Variants in SLIT2 observed in about 807,000 individuals in gnomAD.
SLIT2 encodes the protein slit homolog 2 protein.
In SLIT2, 41 loss-of-function variants were observed where a neutral mutation model predicts 185.7. That is an observed-to-expected ratio of 0.22 (90% confidence interval 0.17 to 0.29). SLIT2 has a LOEUF of 0.29. Among genes scored for constraint, SLIT2 ranks in the 10% least tolerant of loss-of-function variants. The pLI is 1.00. For missense variants in SLIT2, 1,571 were observed against 1,909.0 expected (o/e 0.82, Z 3.30); for synonymous variants, 693 against 680.2 (o/e 1.02, Z -0.29).
At chr4:20,545,490 A>C (rs1034097269) in intron 21 of SLIT2, among the ~76,000 whole-genome samples, 9 of 151,580 alleles carry the variant, frequency 5.9e-5, no homozygotes, top group African/African-American at 1.9e-4. Flanking sequence ...TATACACTTC[A>C]TCAATTTATA....
At chr4:20,282,715 T>G (rs1049599989) in intron 4 of SLIT2, among the ~76,000 whole-genome samples, 4 of 152,216 alleles carry the variant, frequency 2.6e-5, no homozygotes, top group Non-Finnish European at 5.9e-5. Context: ...TTTTAAAATT[T>G]GTTTTTCAAA....
intron 19 of SLIT2, 134 bp from the exon 20 acceptor site, chr4:20,541,319 G>C (rs1722782691): frequency 7.2e-6 from 5 of 696,280 alleles, no homozygotes; most frequent in South Asian, 5.9e-5. Flanking sequence ...TTCTGAGTAA[G>C]AATGGGGACA....
chr4:20,357,607 G>T (rs1722427910), intron 4 of SLIT2, among the ~76,000 whole-genome samples: 2 of 151,992 alleles, frequency 1.3e-5, no homozygotes, highest in Admixed American at 1.3e-4. Flanking sequence ...TAGGTAGTAG[G>T]TAGTCTTTTT....
In SLIT2 at chr4:20,485,341, A is replaced by G. The variant is rs995809569; in HGVS notation, c.540-859A>G. On this transcript the variant is annotated intron_variant, in intron 6 of 36. Transcript: ENST00000504154. ...ATTTATTTTTATAATACTCCATGTTACCATAAAATAATAGCCATTTGGGAA... is the reference window on the plus strand; with the variant it reads ...ATTTATTTTTATAATACTCCATGTTGCCATAAAATAATAGCCATTTGGGAA... Among the ~76,000 whole-genome samples, 5 of 152,264 alleles carry G rather than the reference A, an allele frequency of 3.3e-5. No individual in the cohort carries two copies. In the South Asian group the frequency reaches 1.0e-3, roughly 32 times the overall value.
intron 4 of SLIT2, among the ~76,000 whole-genome samples, chr4:20,317,047 A>C (rs1439212898): frequency 6.6e-6 from 1 of 151,772 alleles, no homozygotes; most frequent in Non-Finnish European, 1.5e-5. Context: ...GATTAAAAAA[A>C]AAAAAGTATC....
At chr4:20,388,782 A>G (rs1190164886) in intron 4 of SLIT2, among the ~76,000 whole-genome samples, 2 of 100,946 alleles carry the variant, frequency 2.0e-5, no homozygotes, top group African/African-American at 3.4e-5. Context: ...TCAGGGGAAA[A>G]AAAAAAAAAA....
intron 5 of SLIT2, among the ~76,000 whole-genome samples, chr4:20,472,333 TAGATCTATATATAGATATAG>T (rs1715279006): frequency 2.0e-5 from 1 of 50,896 alleles, no homozygotes; most frequent in Non-Finnish European, 3.3e-5. Flanking sequence ...TATCTATATA[TAGATCTATATATAGATATAG>T]ATATCTATAT....
chr4:20,405,522 A>G (rs937625253), intron 4 of SLIT2, among the ~76,000 whole-genome samples: 1 of 151,964 alleles, frequency 6.6e-6, no homozygotes, highest in African/African-American at 2.4e-5. Flanking sequence ...AGTGTAAAGC[A>G]TAGTGTCTGG....
chr4:20,422,636 C>G (rs1224850611), intron 4 of SLIT2, among the ~76,000 whole-genome samples: 1 of 152,020 alleles, frequency 6.6e-6, no homozygotes, highest in East Asian at 1.9e-4. Flanking sequence ...GCATGAGAGG[C>G]TCTTTCAGAT....
At chr4:20,291,740 A>G (rs1364350540) in intron 4 of SLIT2, among the ~76,000 whole-genome samples, 1 of 151,996 alleles carries the variant, frequency 6.6e-6, no homozygotes, top group Non-Finnish European at 1.5e-5. Context: ...ATGCAGTAAT[A>G]TGTAATCAAA....
chr4:20,561,313 T>G (rs1398865288), intron 26 of SLIT2, among the ~76,000 whole-genome samples: 2 of 151,844 alleles, frequency 1.3e-5, no homozygotes, highest in Admixed American at 1.3e-4. Flanking sequence ...TAATTTTATA[T>G]GTTAGGAATC....
intron 17 of SLIT2, among the ~76,000 whole-genome samples, chr4:20,533,048 T>C (rs1237272915): frequency 6.6e-6 from 1 of 152,204 alleles, no homozygotes; most frequent in Admixed American, 6.5e-5. Context: ...ATTGTAGTAG[T>C]TGGTATCATA....
intron 25 of SLIT2, among the ~76,000 whole-genome samples, chr4:20,553,419 T>C (rs1057140915): frequency 1.5e-4 from 23 of 152,208 alleles, no homozygotes; most frequent in African/African-American, 5.3e-4. Flanking sequence ...GCATTATTTA[T>C]ATTTGGGTCC....
At chr4:20,512,360 C>G (rs1404091001) in intron 11 of SLIT2, among the ~76,000 whole-genome samples, 1 of 152,088 alleles carries the variant, frequency 6.6e-6, no homozygotes, top group Non-Finnish European at 1.5e-5. Flanking sequence ...CTATGTTAGT[C>G]TGTTTAAAAA....
intron 33 of SLIT2, among the ~76,000 whole-genome samples, chr4:20,598,809 T>G (rs2148962526): frequency 6.6e-6 from 1 of 152,240 alleles, no homozygotes; most frequent in Middle Eastern, 3.4e-3. Context: ...AACAACCAGC[T>G]TTTGAAATAC....
At chr4:20,618,728 G>A (rs1317524037) in intron 36 of SLIT2, 40 bp from the exon 37 acceptor site, 2 of 1,546,396 alleles carry the variant, frequency 1.3e-6, no homozygotes, top group Non-Finnish European at 1.8e-6. Flanking sequence ...GACTTACAGT[G>A]ACTGTTCTTA....
chr4:20,289,471 AT>A (rs1376733804), intron 4 of SLIT2, among the ~76,000 whole-genome samples: 2 of 152,082 alleles, frequency 1.3e-5, no homozygotes, highest in Non-Finnish European at 2.9e-5. Context: ...CTATTTCCAA[AT>A]TTTTACATTA....
At chr4:20,448,231 G>A (rs915595961) in intron 4 of SLIT2, among the ~76,000 whole-genome samples, 1 of 152,102 alleles carries the variant, frequency 6.6e-6, no homozygotes, top group Admixed American at 6.5e-5. Flanking sequence ...CTGATTGTGT[G>A]TTTAAAAGCC....
chr4:20,491,945 C>A lies in SLIT2; in HGVS notation c.914+46C>A, dbSNP rs774952639. Reference sequence around the variant, plus strand: ...CTTATCTCCCCACCTTCCCGGTGAACCAAACTTTGATTTTCTTTGGGAAAT... The same window carrying A: ...CTTATCTCCCCACCTTCCCGGTGAAACAAACTTTGATTTTCTTTGGGAAAT... On this transcript the variant is annotated intron_variant, in intron 9 of 36. Transcript: ENST00000504154. 8.2e-6 allele frequency: 13 copies of A among 1,585,218 alleles called. No homozygotes were observed. In the African/African-American group the frequency reaches 1.8e-4, roughly 21 times the overall value.
Sources: allele counts gnomAD v4.1 joint callset (sites outside exome capture counted in the v4.1 genomes callset), GRCh38; gene constraint gnomAD v4.1.1; transcripts MANE v1.5; gene names NCBI Gene and HGNC (gene_info 2026-07-23, HGNC 2026-07-21).